The following CORO2B variants were observed in gnomAD, a reference collection of about 807,000 sequenced individuals.
CORO2B encodes coronin-2B.
A neutral mutation model predicts 58.8 loss-of-function variants in CORO2B; 26 were observed. The ratio of observed to expected loss-of-function variants is 0.44; its 90% CI spans 0.32 to 0.61. CORO2B has a LOEUF of 0.61. CORO2B is among the 20% of genes least tolerant of loss of function. The pLI is 0.04. For missense variants in CORO2B, 460 were observed against 645.1 expected (o/e 0.71, Z 3.11); for synonymous variants, 242 against 253.8 (o/e 0.95, Z 0.44).
chr15:68,541,988 G>A, the CORO2B span, among the ~76,000 whole-genome samples: 1 of 152,176 alleles, frequency 6.6e-6, no homozygotes, highest in Non-Finnish European at 1.5e-5. Flanking sequence ...CCTGCACCGT[G>A]GCCTGGAAAC....
chr15:68,698,950 AAGAG>A (rs1424050157), intron 3 of CORO2B, among the ~76,000 whole-genome samples: 1 of 152,070 alleles, frequency 6.6e-6, no homozygotes, highest in African/African-American at 2.4e-5. Context: ...GCACACAGAG[AAGAG>A]AGAGAGAGAT....
intron 1 of CORO2B, among the ~76,000 whole-genome samples, chr15:68,598,713 T>G (rs1899901419): frequency 1.3e-5 from 2 of 152,310 alleles, no homozygotes; most frequent in South Asian, 4.1e-4. Context: ...CTCTGTGCCT[T>G]CCCATCTCTT....
the CORO2B span, among the ~76,000 whole-genome samples, chr15:68,562,315 T>C: frequency 0.024 from 3,679 of 152,254 alleles, 155 homozygotes; most frequent in African/African-American, 0.084. Context: ...CCAGGCAAGA[T>C]TGTACTGCTC....
At chr15:68,530,064 C>T in the CORO2B span, among the ~76,000 whole-genome samples, 1 of 152,326 alleles carries the variant, frequency 6.6e-6, no homozygotes, top group East Asian at 1.9e-4. Context: ...GTGGCTCATG[C>T]CTGTAATCCC....
At position 68,610,453 on chromosome 15, in the gene CORO2B, TG is replaced by T. The variant is rs1900222311; in HGVS notation, c.15+31177del. Among the ~76,000 whole-genome samples, 3 of 152,198 alleles carry T rather than the reference TG, an allele frequency of 2.0e-5. No individual in the cohort carries two copies. In the South Asian group the frequency reaches 6.2e-4, roughly 32 times the overall value. On this transcript the variant is annotated intron_variant, in intron 1 of 11. Coordinates refer to ENST00000261861, the MANE Select transcript of CORO2B (RefSeq NM_006091.5). Reference sequence around the variant, plus strand: ...CTGGCCCCAGGCTTGTCTTCCTCCCTGATCTCCAGACCCCCTTGTTCCAGGA... The same window carrying T: ...CTGGCCCCAGGCTTGTCTTCCTCCCTATCTCCAGACCCCCTTGTTCCAGGA...
chr15:68,543,117 C>T, the CORO2B span, among the ~76,000 whole-genome samples: 2 of 152,096 alleles, frequency 1.3e-5, no homozygotes, highest in African/African-American at 4.8e-5. Flanking sequence ...CAACAGGGAT[C>T]GGGGGGTGGA....
rs558366160 is a variant in CORO2B, at chr15:68,672,149, G to A, written c.217-22991G>A. Among the ~76,000 whole-genome samples, 46 of 44,122 alleles carry A rather than the reference G, an allele frequency of 1.0e-3. No individual in the cohort carries two copies. The South Asian group carries it at 0.04, about 39-fold the overall frequency. 28.9% of individuals were successfully genotyped at this position (44,122 alleles called of 152,430 possible). A position where few individuals can be genotyped will look rare whatever the true frequency, so the allele number is the denominator to read the frequency against. Reference sequence around the variant, plus strand: ...ACAGCAACTATCCCTGAGCAACTTGGTAATCGGGAGGTGTGTGTGTGTGTG... The same window carrying A: ...ACAGCAACTATCCCTGAGCAACTTGATAATCGGGAGGTGTGTGTGTGTGTG... On this transcript the variant is annotated intron_variant, in intron 2 of 11. Coordinates refer to ENST00000261861, the MANE Select transcript of CORO2B (RefSeq NM_006091.5).
chr15:68,628,881 A>G (rs975324014), intron 1 of CORO2B, among the ~76,000 whole-genome samples: 1 of 152,168 alleles, frequency 6.6e-6, no homozygotes, highest in Non-Finnish European at 1.5e-5. Context: ...TCAGTTTCCC[A>G]TGTGATGTGG....
chr15:68,691,684 A>T (rs1015092782), intron 2 of CORO2B, among the ~76,000 whole-genome samples: 14 of 151,564 alleles, frequency 9.2e-5, no homozygotes, highest in African/African-American at 2.9e-4. Flanking sequence ...TTTTTAAGCA[A>T]TGGAGCTCAT....
At chr15:68,722,673 C>T (rs1416144489) in intron 11 of CORO2B, among the ~76,000 whole-genome samples, 1 of 152,166 alleles carries the variant, frequency 6.6e-6, no homozygotes, top group African/African-American at 2.4e-5. Flanking sequence ...AGTGCAAAGG[C>T]AAATAGCACG....
intron 1 of CORO2B, among the ~76,000 whole-genome samples, chr15:68,619,651 A>G (rs980870247): frequency 6.6e-6 from 1 of 152,046 alleles, no homozygotes; most frequent in African/African-American, 2.4e-5. Context: ...TGTAATTGTA[A>G]ATGCTGGGTG....
intron 1 of CORO2B, among the ~76,000 whole-genome samples, chr15:68,604,376 T>G (rs1017471972): frequency 5.3e-5 from 8 of 152,064 alleles, no homozygotes; most frequent in Non-Finnish European, 8.8e-5. Context: ...TGTTCCTGAA[T>G]GATTTGGGAT....
chr15:68,568,514 G>A, the CORO2B span, among the ~76,000 whole-genome samples: 5 of 152,066 alleles, frequency 3.3e-5, no homozygotes, highest in Admixed American at 3.3e-4. Context: ...AGGACACTGG[G>A]ACCCCAAAAG....
At chr15:68,714,694 G>A in intron 7 of CORO2B, 31 bp downstream of exon 7, 1 of 1,543,558 alleles carries the variant, frequency 6.5e-7, no homozygotes, top group South Asian at 1.1e-5. Context: ...GCCCGGGGCA[G>A]CCTGTGGGAG....
the CORO2B span, among the ~76,000 whole-genome samples, chr15:68,564,244 C>T: frequency 6.6e-6 from 1 of 151,990 alleles, no homozygotes; most frequent in Admixed American, 6.6e-5. Context: ...GCAGTGGGCT[C>T]TGGCATACCT....
At chr15:68,654,338 T>C (rs1901735795) in intron 2 of CORO2B, among the ~76,000 whole-genome samples, 1 of 152,186 alleles carries the variant, frequency 6.6e-6, no homozygotes. Flanking sequence ...AATCCATCCC[T>C]CTCCCTTGGG....
chr15:68,575,708 C>G (rs1329236941), upstream of CORO2B, among the ~76,000 whole-genome samples: 1 of 151,976 alleles, frequency 6.6e-6, no homozygotes, highest in Non-Finnish European at 1.5e-5. Flanking sequence ...TCCACTGCCC[C>G]AATCTTCCAC....
chr15:68,679,255 T>G (rs1289806802), intron 2 of CORO2B, among the ~76,000 whole-genome samples: 1 of 152,186 alleles, frequency 6.6e-6, no homozygotes, highest in East Asian at 1.9e-4. Context: ...TTTGGTGAGC[T>G]GGGTGGAGAT....
At chr15:68,655,793 C>T (rs1743281927) in intron 2 of CORO2B, among the ~76,000 whole-genome samples, 1 of 152,244 alleles carries the variant, frequency 6.6e-6, no homozygotes, top group Admixed American at 6.5e-5. Flanking sequence ...CCCCAAGCCC[C>T]TCAACAGGAG....
Sources: allele counts gnomAD v4.1 joint callset (sites outside exome capture counted in the v4.1 genomes callset), GRCh38; gene constraint gnomAD v4.1.1; transcripts MANE v1.5; gene names NCBI Gene and HGNC (gene_info 2026-07-23, HGNC 2026-07-21).